The following GRIK4 variants were observed in gnomAD, a reference collection of about 807,000 sequenced individuals.
GRIK4 encodes glutamate ionotropic receptor kainate type subunit 4.
A neutral mutation model predicts 104.9 loss-of-function variants in GRIK4; 40 were observed. The observed-to-expected ratio is 0.38, with a 90% CI of 0.30 to 0.50. The LOEUF (loss-of-function observed/expected upper bound fraction) is 0.50. GRIK4 is among the 20% of genes least tolerant of loss of function. The pLI is 0.93. For synonymous variants in GRIK4, 485 were observed against 524.9 expected, an observed-to-expected ratio of 0.92 and a Z score of 1.04; for missense variants, 1,047 against 1,308.1, an observed-to-expected ratio of 0.80 and a Z score of 3.08.
intron 3 of GRIK4, among the ~76,000 whole-genome samples, chr11:120,772,371 G>A (rs910435410): frequency 2.0e-5 from 3 of 152,166 alleles, no homozygotes; most frequent in Admixed American, 6.5e-5. Context: ...TTCATGCATG[G>A]CATTTTCTCC....
intron 11 of GRIK4, among the ~76,000 whole-genome samples, chr11:120,884,845 G>A (rs1955072769): frequency 6.6e-6 from 1 of 152,266 alleles, no homozygotes; most frequent in African/African-American, 2.4e-5. Context: ...GCTAGGGGCA[G>A]AGCCGGGCCA....
intron 3 of GRIK4, among the ~76,000 whole-genome samples, chr11:120,799,455 G>A (rs117085203): frequency 0.023 from 3,473 of 152,254 alleles, 103 homozygotes; most frequent in Non-Finnish European, 0.029. Context: ...CCTCATGCAC[G>A]CTCCCTAGCG....
chr11:120,859,955 C>G (rs1954218250), intron 8 of GRIK4, among the ~76,000 whole-genome samples: 1 of 152,232 alleles, frequency 6.6e-6, no homozygotes, highest in South Asian at 2.1e-4. Context: ...GAGCTGAGGC[C>G]TGTAGCCTGA....
At chr11:120,744,198 T>A (rs925271137) in intron 3 of GRIK4, among the ~76,000 whole-genome samples, 3 of 152,104 alleles carry the variant, frequency 2.0e-5, no homozygotes, top group African/African-American at 7.2e-5. Flanking sequence ...GGCAGGAACA[T>A]TAATGAGGCT....
intron 3 of GRIK4, among the ~76,000 whole-genome samples, chr11:120,778,871 G>A (rs1952094378): frequency 6.6e-6 from 1 of 152,206 alleles, no homozygotes; most frequent in African/African-American, 2.4e-5. Flanking sequence ...AAGGAGGCCA[G>A]GTGGGAGAAA....
intron 3 of GRIK4, among the ~76,000 whole-genome samples, chr11:120,665,840 G>C (rs953871128): frequency 6.6e-6 from 1 of 152,198 alleles, no homozygotes; most frequent in Admixed American, 6.5e-5. Flanking sequence ...GACTGAGGGA[G>C]GTGTGGCTGT....
intron 3 of GRIK4, among the ~76,000 whole-genome samples, chr11:120,728,873 A>G (rs767679940): frequency 6.6e-6 from 1 of 152,022 alleles, no homozygotes; most frequent in Non-Finnish European, 1.5e-5. Flanking sequence ...AAACTATTCT[A>G]TTGCACCAAT....
At chr11:120,784,284 G>A (rs1418650405) in intron 3 of GRIK4, among the ~76,000 whole-genome samples, 2 of 152,174 alleles carry the variant, frequency 1.3e-5, no homozygotes, top group African/African-American at 4.8e-5. Context: ...CCTGGGGGAT[G>A]ATGACAATGA....
At chr11:120,680,985 AG>A (rs1192076295) in intron 3 of GRIK4, among the ~76,000 whole-genome samples, 1 of 152,150 alleles carries the variant, frequency 6.6e-6, no homozygotes, top group Non-Finnish European at 1.5e-5. Flanking sequence ...CCAGCATCAC[AG>A]GGGCCCCTGC....
intron 12 of GRIK4, among the ~76,000 whole-genome samples, chr11:120,899,632 G>GT (rs1354463346): frequency 1.3e-5 from 2 of 152,134 alleles, no homozygotes; most frequent in Admixed American, 6.5e-5. Flanking sequence ...GATAAGTCAA[G>GT]TGCATACATG....
chr11:120,579,705 A>G lies in GRIK4; in HGVS notation c.-159+67818A>G, dbSNP rs534991237. 3.3e-5 allele frequency among the ~76,000 whole-genome samples: 5 copies of G among 152,198 alleles called. No homozygotes were observed. The South Asian group carries it at 1.0e-3, about 32-fold the overall frequency. ...TGGACATAGTATGGCCTTGGAGGCAACAGACATGTGTGGGCGGGTCCCGAT... is the reference window on the plus strand; with the variant it reads ...TGGACATAGTATGGCCTTGGAGGCAGCAGACATGTGTGGGCGGGTCCCGAT... On this transcript the variant is annotated intron_variant, in intron 1 of 20. Coordinates refer to ENST00000527524, the MANE Select transcript of GRIK4 (RefSeq NM_014619.5).
chr11:120,966,208 A>G (rs1944381007), intron 18 of GRIK4, among the ~76,000 whole-genome samples: 1 of 152,184 alleles, frequency 6.6e-6, no homozygotes, highest in Non-Finnish European at 1.5e-5. Context: ...TGGACAGGCC[A>G]GTGGGTTCTC....
At chr11:120,898,053 GTTCA>G (rs1214362697) in intron 11 of GRIK4, among the ~76,000 whole-genome samples, 1 of 152,054 alleles carries the variant, frequency 6.6e-6, no homozygotes, top group Non-Finnish European at 1.5e-5. Flanking sequence ...ACCTGTTTAG[GTTCA>G]TTCATTCATT....
chr11:120,750,575 G>T lies in GRIK4; in HGVS notation c.83-52118G>T, dbSNP rs143998668. ...GTAGAGAAGGGGTTTTGCCATGTTG[G>T]CCAGGCTGGTCTCAAACTCCTGACC... is the stretch of plus-strand genomic sequence containing the variant. On this transcript the variant is annotated intron_variant, in intron 3 of 20. Coordinates refer to ENST00000527524, the MANE Select transcript of GRIK4 (RefSeq NM_014619.5). Among the ~76,000 whole-genome samples the T allele has an allele frequency of 1.0e-2, 1,519 of 152,012 alleles. 19 individuals carry two copies. Among genetic ancestry groups the T allele is most frequent in the Non-Finnish European group, 0.017 (1,135 of 67,964 alleles).
chr11:120,618,941 C>T (rs76273814), intron 1 of GRIK4, among the ~76,000 whole-genome samples: 5,816 of 152,316 alleles, frequency 0.038, 165 homozygotes, highest in Non-Finnish European at 0.059. Context: ...GGGTTGGAGC[C>T]TCCACATGGG....
chr11:120,957,302 G>T (rs1944177798), intron 16 of GRIK4, among the ~76,000 whole-genome samples: 1 of 152,260 alleles, frequency 6.6e-6, no homozygotes, highest in South Asian at 2.1e-4. Flanking sequence ...GCAGATTTAT[G>T]CAAGTATAAG....
chr11:120,871,240 T>C (rs918512229), intron 9 of GRIK4: 6 of 179,358 alleles, frequency 3.3e-5, no homozygotes, highest in African/African-American at 1.4e-4. Flanking sequence ...TCAATTTGTC[T>C]AAGCCGGAAA....
intron 1 of GRIK4, among the ~76,000 whole-genome samples, chr11:120,647,350 C>G (rs1169785229): frequency 6.6e-6 from 1 of 152,208 alleles, no homozygotes; most frequent in Non-Finnish European, 1.5e-5. Flanking sequence ...CTTCTCCAGG[C>G]CATCGGGCGC....
intron 3 of GRIK4, among the ~76,000 whole-genome samples, chr11:120,691,753 C>A (rs1950367856): frequency 6.6e-6 from 1 of 152,152 alleles, no homozygotes; most frequent in Non-Finnish European, 1.5e-5. Context: ...GTTCCAAATG[C>A]CTCTCCCTTT....
Sources: gnomAD v4.1 joint callset for allele counts (sites outside exome capture counted in the v4.1 genomes callset) on GRCh38, gnomAD v4.1.1 for gene constraint, MANE v1.5 for transcripts, NCBI Gene and HGNC (gene_info 2026-07-23, HGNC 2026-07-21) for gene names.